ADGRL3: variants seen among roughly 807,000 people sequenced by gnomAD.
ADGRL3 encodes the protein calcium-independent alpha-latrotoxin receptor 3.
Under a neutral mutation model 153.5 loss-of-function variants are expected in ADGRL3, and 62 were observed. That is an observed-to-expected ratio of 0.40 (90% CI 0.33 to 0.50). The LOEUF (loss-of-function observed/expected upper bound fraction) is 0.50, where lower values mean the gene tolerates loss of function less well. Among genes scored for constraint, ADGRL3 ranks in the 20% least tolerant of loss-of-function variants. The probability of loss-of-function intolerance (pLI) is 0.47; values close to 1 mark genes in which losing one functional copy is unlikely to be tolerated. For missense variants in ADGRL3, 1,641 were observed against 1,859.4 expected (o/e 0.88, Z 2.16); for synonymous variants, 710 against 672.5 (o/e 1.06, Z -0.86).
intron 9 of ADGRL3, among the ~76,000 whole-genome samples, chr4:61,840,983 C>G (rs556031601): frequency 4.6e-5 from 7 of 151,724 alleles, no homozygotes; most frequent in Admixed American, 4.6e-4. Context: ...CTCAAACTTC[C>G]TCTAATCACA....
intron 8 of ADGRL3, among the ~76,000 whole-genome samples, chr4:61,783,867 T>C (rs1334007600): frequency 6.6e-6 from 1 of 152,108 alleles, no homozygotes; most frequent in Non-Finnish European, 1.5e-5. Context: ...CAAAATCTCA[T>C]ATGACACTCC....
rs575951422 is a variant in ADGRL3, at chr4:61,578,492, T to A, written c.260-8735T>A. Among the ~76,000 whole-genome samples the A allele has an allele frequency of 1.8e-4, 27 of 152,228 alleles. No individual in the cohort carries two copies. In the South Asian group the frequency reaches 5.2e-3, roughly 29 times the overall value. On this transcript the variant is annotated intron_variant, in intron 4 of 26. Transcript: ENST00000683033. The stretch of plus-strand genomic sequence containing the variant: ...TTTAAATAATCTATTGGCTAATAAT[T>A]TTTAAGATTAATTTGATAAATCTCT...
intron 5 of ADGRL3, among the ~76,000 whole-genome samples, chr4:61,667,119 G>A (rs2094827829): frequency 6.6e-6 from 1 of 152,018 alleles, no homozygotes; most frequent in African/African-American, 2.4e-5. Flanking sequence ...TTTTGGAATG[G>A]GCTCTGTGAA....
chr4:61,282,078 G>C (rs532108606), intron 1 of ADGRL3, among the ~76,000 whole-genome samples: 1 of 151,892 alleles, frequency 6.6e-6, no homozygotes, highest in Non-Finnish European at 1.5e-5. Context: ...TGCTAATAGG[G>C]AATATTGTCA....
chr4:61,325,306 AT>A (rs1329672979), intron 1 of ADGRL3, among the ~76,000 whole-genome samples: 76 of 151,978 alleles, frequency 5.0e-4, no homozygotes, highest in African/African-American at 1.7e-3. Flanking sequence ...GAGAGACTCA[AT>A]TTCAAAAAAA....
chr4:61,766,778 T>C (rs368008877), intron 8 of ADGRL3, among the ~76,000 whole-genome samples: 1 of 151,468 alleles, frequency 6.6e-6, no homozygotes, highest in South Asian at 2.1e-4. Flanking sequence ...AAAGAAAGCA[T>C]GTTTGAGATC....
chr4:61,416,243 G>GA (rs556259814), intron 2 of ADGRL3, among the ~76,000 whole-genome samples: 4 of 151,662 alleles, frequency 2.6e-5, no homozygotes, highest in Non-Finnish European at 2.9e-5. Flanking sequence ...CAATTTTGGG[G>GA]AAAAAAATGA....
rs2096467510 is a variant in ADGRL3, at chr4:61,733,449, A to C, written c.1294A>C (p.Ile432Leu). 6.2e-7 allele frequency: 1 copy of C among 1,613,552 alleles called. No homozygotes were observed. Among genetic ancestry groups the C allele is most frequent in the African/African-American group, 1.3e-5 (1 of 74,916 alleles). The change falls in exon 8 of 27, where the codon ATT (isoleucine) becomes CTT (leucine). Residue 432 changes from isoleucine (I) to leucine (L), a missense_variant. Coordinates refer to ENST00000683033, the MANE Select transcript of ADGRL3 (RefSeq NM_001387552.1). ...DVPFPNSYQY[I>L]AAVDYNPRDN... ...ACCCTTTCCTAATTCATACCAGTACATTGCAGCTGTGGATTACAACCCCAG... is the reference window on the plus strand; with the variant it reads ...ACCCTTTCCTAATTCATACCAGTACCTTGCAGCTGTGGATTACAACCCCAG...
intron 6 of ADGRL3, among the ~76,000 whole-genome samples, chr4:61,727,075 C>A (rs1324366606): frequency 6.6e-6 from 1 of 152,064 alleles, no homozygotes; most frequent in Non-Finnish European, 1.5e-5. Context: ...TCTAATTAAA[C>A]AATGCAATTC....
chr4:61,318,101 T>TG (rs1312902311), intron 1 of ADGRL3, among the ~76,000 whole-genome samples: 2 of 141,914 alleles, frequency 1.4e-5, no homozygotes, highest in Non-Finnish European at 3.0e-5. Context: ...CACTTGAACC[T>TG]GGGGGGCGTA....
At chr4:61,972,573 G>T (rs565075545) in intron 17 of ADGRL3, among the ~76,000 whole-genome samples, 1 of 152,284 alleles carries the variant, frequency 6.6e-6, no homozygotes, top group South Asian at 2.1e-4. Context: ...TTGTAGTATA[G>T]TTTGAAGTCA....
At chr4:61,791,278 A>G (rs779683614) in intron 8 of ADGRL3, among the ~76,000 whole-genome samples, 8 of 152,326 alleles carry the variant, frequency 5.3e-5, no homozygotes, top group Middle Eastern at 3.4e-3. Context: ...GCACTGGGTA[A>G]ATACAGCAAT....
chr4:61,332,956 G>A (rs1461639341), intron 1 of ADGRL3, among the ~76,000 whole-genome samples: 1 of 152,134 alleles, frequency 6.6e-6, no homozygotes, highest in African/African-American at 2.4e-5. Context: ...TCACCCTTGT[G>A]ATAAATAGTA....
At chr4:62,033,047 A>G (rs1212986454) in intron 23 of ADGRL3, among the ~76,000 whole-genome samples, 1 of 151,722 alleles carries the variant, frequency 6.6e-6, no homozygotes, top group Admixed American at 6.6e-5. Context: ...ACACCCCCCA[A>G]ATTACAGAAG....
intron 5 of ADGRL3, among the ~76,000 whole-genome samples, chr4:61,617,357 TTC>T (rs1402781939): frequency 6.6e-6 from 1 of 152,208 alleles, no homozygotes; most frequent in Non-Finnish European, 1.5e-5. Context: ...CCTTATTTTC[TTC>T]TCTCTCTTTT....
At chr4:61,677,575 C>A (rs1235475282) in intron 6 of ADGRL3, among the ~76,000 whole-genome samples, 2 of 151,916 alleles carry the variant, frequency 1.3e-5, no homozygotes, top group Non-Finnish European at 2.9e-5. Flanking sequence ...TTCTGACTTT[C>A]CCACTCAAAA....
intron 1 of ADGRL3, among the ~76,000 whole-genome samples, chr4:61,351,802 A>G (rs2096057798): frequency 6.6e-6 from 1 of 152,152 alleles, no homozygotes. Flanking sequence ...AATACTGACA[A>G]TGCACCCAGT....
intron 2 of ADGRL3, among the ~76,000 whole-genome samples, chr4:61,449,174 T>A (rs577669787): frequency 2.0e-5 from 3 of 152,066 alleles, no homozygotes; most frequent in Non-Finnish European, 4.4e-5. Context: ...TCTCACTCTG[T>A]CGCCAGGCTG....
At chr4:62,010,900 A>AT (rs767358278) in intron 21 of ADGRL3, among the ~76,000 whole-genome samples, 4 of 152,084 alleles carry the variant, frequency 2.6e-5, no homozygotes, top group Non-Finnish European at 5.9e-5. Context: ...ATTGCTGTTT[A>AT]TTTACCTTGG....
Sources: allele counts gnomAD v4.1 joint callset (sites outside exome capture counted in the v4.1 genomes callset), GRCh38; gene constraint gnomAD v4.1.1; transcripts MANE v1.5; gene names NCBI Gene and HGNC (gene_info 2026-07-23, HGNC 2026-07-21).